Variants in BBOX1 observed in about 807,000 individuals in gnomAD.
The protein encoded by BBOX1 is gamma-butyrobetaine dioxygenase.
BBOX1 carries 35 observed loss-of-function variants against 41.6 expected under a neutral mutation model. The observed-to-expected ratio is 0.84, with a 90% CI of 0.64 to 1.11. BBOX1 has a LOEUF of 1.11. Ranked by LOEUF, BBOX1 falls within the 50% of genes most tolerant of loss-of-function variation. BBOX1 has a pLI of 0.00. For missense variants in BBOX1, 458 were observed against 460.6 expected, an observed-to-expected ratio of 0.99 and a Z score of 0.05; for synonymous variants, 163 against 154.7, an observed-to-expected ratio of 1.05 and a Z score of -0.40.
At chr11:27,091,774 C>T (rs1034976536) in intron 4 of BBOX1, among the ~76,000 whole-genome samples, 2 of 151,786 alleles carry the variant, frequency 1.3e-5, no homozygotes, top group African/African-American at 4.8e-5. Context: ...AGTAAGTCAC[C>T]GAGGCCTGTG....
intron 4 of BBOX1, among the ~76,000 whole-genome samples, chr11:27,060,084 A>G (rs1380760159): frequency 6.6e-6 from 1 of 152,162 alleles, no homozygotes; most frequent in Non-Finnish European, 1.5e-5. Flanking sequence ...TATGGTTTGC[A>G]TGTTCCACCC....
Position 27,093,155 on chromosome 11 carries a change from T to A in BBOX1, c.335-13T>A, listed in dbSNP as rs775956024. 17 of 1,610,036 alleles carry A rather than the reference T, an allele frequency of 1.1e-5. No homozygotes were observed. The highest frequency in any genetic ancestry group is 1.4e-5 in the Non-Finnish European group (17 of 1,177,290). Reference sequence around the variant, plus strand: ...GTAATCCCATCTGATTTCTTCATTTTATCAATTCACAGAATGCCAATACTG... The same window carrying A: ...GTAATCCCATCTGATTTCTTCATTTAATCAATTCACAGAATGCCAATACTG... On this transcript the variant is annotated splice_polypyrimidine_tract_variant and intron_variant, in intron 4 of 8. Coordinates refer to ENST00000263182, the MANE Select transcript of BBOX1 (RefSeq NM_003986.3).
chr11:27,046,024 G>A (rs2133942678), intron 2 of BBOX1, among the ~76,000 whole-genome samples: 1 of 152,226 alleles, frequency 6.6e-6, no homozygotes, highest in South Asian at 2.1e-4. Context: ...CAGGTTTGGG[G>A]CAACCTTTCT....
intron 4 of BBOX1, among the ~76,000 whole-genome samples, chr11:27,077,541 A>G (rs1396113148): frequency 6.6e-6 from 1 of 151,594 alleles, no homozygotes; most frequent in Non-Finnish European, 1.5e-5. Context: ...AAAAGTTCAC[A>G]GTGTGAATCT....
chr11:27,092,472 T>C (rs7105366), intron 4 of BBOX1, among the ~76,000 whole-genome samples: 2,616 of 152,042 alleles, frequency 0.017, 89 homozygotes, highest in African/African-American at 0.059. Context: ...AAGCCAATTA[T>C]TTTTTACATT....
intron 2 of BBOX1, among the ~76,000 whole-genome samples, chr11:27,050,472 A>G (rs1851636770): frequency 6.6e-6 from 1 of 152,126 alleles, no homozygotes; most frequent in South Asian, 2.1e-4. Context: ...TTAATCATTC[A>G]AATCCAAGAA....
chr11:27,071,868 C>T (rs1309955832), intron 4 of BBOX1, among the ~76,000 whole-genome samples: 1 of 152,140 alleles, frequency 6.6e-6, no homozygotes, highest in Non-Finnish European at 1.5e-5. Flanking sequence ...CAAAATTCAA[C>T]AGCCCTTCAT....
At chr11:27,106,602 C>A (rs1317240781) in intron 5 of BBOX1, among the ~76,000 whole-genome samples, 1 of 152,022 alleles carries the variant, frequency 6.6e-6, no homozygotes, top group Non-Finnish European at 1.5e-5. Context: ...CCTTAGAGAC[C>A]TACAAAGAGA....
At chr11:27,116,993 C>A (rs369749155) in intron 6 of BBOX1, among the ~76,000 whole-genome samples, 2 of 152,008 alleles carry the variant, frequency 1.3e-5, no homozygotes, top group African/African-American at 4.8e-5. Context: ...CCAGGAGAAT[C>A]TCTGGGTGGA....
chr11:27,116,895 A>G (rs907009668), intron 6 of BBOX1, among the ~76,000 whole-genome samples: 2 of 152,034 alleles, frequency 1.3e-5, no homozygotes, highest in African/African-American at 4.8e-5. Flanking sequence ...GAACATAATA[A>G]CAGTGGCTAT....
chr11:27,106,885 T>A (rs187253035), intron 5 of BBOX1, among the ~76,000 whole-genome samples: 24 of 152,226 alleles, frequency 1.6e-4, no homozygotes, highest in African/African-American at 5.8e-4. Context: ...TATAACAAAC[T>A]GTCTCTCAGA....
intron 5 of BBOX1, among the ~76,000 whole-genome samples, chr11:27,099,456 G>A (rs1858564495): frequency 6.6e-6 from 1 of 151,952 alleles, no homozygotes; most frequent in Non-Finnish European, 1.5e-5. Flanking sequence ...GATCTTGGTG[G>A]TAGTCAACTT....
intron 4 of BBOX1, among the ~76,000 whole-genome samples, chr11:27,062,598 C>T (rs1246990027): frequency 1.3e-5 from 2 of 151,550 alleles, no homozygotes; most frequent in African/African-American, 4.9e-5. Context: ...CTTCCTCTGT[C>T]ACCAGGCTAG....
At chr11:27,113,385 A>G (rs1013420389) in intron 5 of BBOX1, among the ~76,000 whole-genome samples, 1 of 152,010 alleles carries the variant, frequency 6.6e-6, no homozygotes, top group African/African-American at 2.4e-5. Context: ...TCTCAATAGC[A>G]AAGACATAGA....
chr11:27,089,625 T>C (rs1032920620), intron 4 of BBOX1, among the ~76,000 whole-genome samples: 6 of 152,144 alleles, frequency 3.9e-5, no homozygotes, highest in East Asian at 1.9e-4. Flanking sequence ...CAAATGGTGA[T>C]GGGAAATCGA....
intron 4 of BBOX1, among the ~76,000 whole-genome samples, chr11:27,061,674 C>G (rs1225435864): frequency 6.6e-6 from 1 of 152,188 alleles, no homozygotes; most frequent in Non-Finnish European, 1.5e-5. Context: ...CTTTTAAAAT[C>G]TGGAATCAAG....
At chr11:27,067,874 C>T (rs962055010) in intron 4 of BBOX1, among the ~76,000 whole-genome samples, 2 of 152,126 alleles carry the variant, frequency 1.3e-5, no homozygotes, top group East Asian at 1.9e-4. Flanking sequence ...GAATAAAGGC[C>T]TCCAGCTTCA....
At chr11:27,054,234 T>TGTGTGTGTGTGTGTGTGCGC (rs1491475061) in intron 2 of BBOX1, among the ~76,000 whole-genome samples, 30 of 148,302 alleles carry the variant, frequency 2.0e-4, no homozygotes, top group Non-Finnish European at 3.3e-4. Context: ...TGTGTGTGTG[T>TGTGTGTGTGTGTGTGTGCGC]GCGTGCACAT....
intron 6 of BBOX1, 37 bp downstream of exon 6, chr11:27,115,594 T>C (rs1467036616): frequency 1.3e-6 from 2 of 1,522,646 alleles, no homozygotes; most frequent in Middle Eastern, 1.7e-4. Context: ...CAAAGCATGA[T>C]GATGACCAGT....
Sources: gnomAD v4.1 joint callset for allele counts (sites outside exome capture counted in the v4.1 genomes callset) on GRCh38, gnomAD v4.1.1 for gene constraint, MANE v1.5 for transcripts, NCBI Gene and HGNC (gene_info 2026-07-23, HGNC 2026-07-21) for gene names.